Variants in RGS22 observed in about 807,000 individuals in gnomAD.
The protein encoded by RGS22 is regulator of G-protein signaling 22.
Under a neutral mutation model 172.9 loss-of-function variants are expected in RGS22, and 148 were observed. The ratio of observed to expected loss-of-function variants is 0.86; its 90% CI spans 0.75 to 0.98. The LOEUF (loss-of-function observed/expected upper bound fraction) is 0.98, where lower values mean the gene tolerates loss of function less well. Among genes scored for constraint, RGS22 ranks in the 50% least tolerant of loss-of-function variants. RGS22 has a pLI of 0.00. For missense variants in RGS22, 1,347 were observed against 1,440.8 expected (o/e 0.93, Z 1.05); for synonymous variants, 458 against 480.2 (o/e 0.95, Z 0.60).
intron 3 of RGS22, among the ~76,000 whole-genome samples, chr8:100,091,201 G>A (rs1020639797): frequency 2.0e-5 from 3 of 150,916 alleles, no homozygotes; most frequent in African/African-American, 4.9e-5. Context: ...GAAAACCCGC[G>A]ACAACATTTT....
intron 9 of RGS22, among the ~76,000 whole-genome samples, chr8:100,055,322 G>A (rs1822131437): frequency 6.6e-6 from 1 of 152,122 alleles, no homozygotes; most frequent in Non-Finnish European, 1.5e-5. Flanking sequence ...AGAAAGTAAG[G>A]GAAGAGAACA....
chr8:99,962,787 A>G lies in RGS22; in HGVS notation c.3710-20T>C, dbSNP rs1447415213. On this transcript the variant is annotated intron_variant, in intron 25 of 27. Coordinates refer to ENST00000360863, the MANE Select transcript of RGS22 (RefSeq NM_015668.5). ...GCAAGCCTGCACAAAAATAAAAGAGATAAGAAAAACAGTAAAGTAAATATT... is the reference window on the plus strand; with the variant it reads ...GCAAGCCTGCACAAAAATAAAAGAGGTAAGAAAAACAGTAAAGTAAATATT... The G allele has an allele frequency of 6.3e-7, 1 of 1,593,230 alleles. No homozygotes were observed. The highest frequency in any genetic ancestry group is 1.1e-5 in the South Asian group (1 of 87,054).
intron 11 of RGS22, among the ~76,000 whole-genome samples, chr8:100,045,844 T>C (rs1281292497): frequency 1.3e-5 from 2 of 151,768 alleles, no homozygotes; most frequent in Admixed American, 1.3e-4. Flanking sequence ...GATAATGTTT[T>C]CTTTATGGGG....
intron 14 of RGS22, 120 bp from the exon 15 acceptor site, chr8:100,008,689 T>TCAAGAAAAATA: frequency 1.5e-6 from 1 of 670,490 alleles, no homozygotes; most frequent in Non-Finnish European, 2.5e-6. Context: ...CGTGATATTT[T>TCAAGAAAAATA]TCTTGAAAAT....
chr8:99,968,189 C>A (rs549558823), intron 23 of RGS22, among the ~76,000 whole-genome samples: 29 of 152,096 alleles, frequency 1.9e-4, no homozygotes, highest in Non-Finnish European at 5.9e-5. Flanking sequence ...AACATCACAT[C>A]AACAAAAAGG....
At chr8:100,033,459 CT>C (rs1237755321) in intron 14 of RGS22, among the ~76,000 whole-genome samples, 2 of 151,654 alleles carry the variant, frequency 1.3e-5, no homozygotes, top group African/African-American at 4.8e-5. Context: ...CCTCCCAAGA[CT>C]AAACCAGGAA....
In RGS22 at chr8:100,004,058, G is replaced by A. The variant is rs187406765; in HGVS notation, c.2495C>T (p.Ser832Phe). Residue 832 changes from serine (S) to phenylalanine (F), a missense_variant, in exon 17 of 28, where the codon TCT (serine) becomes TTT (phenylalanine). Coordinates refer to ENST00000360863, the MANE Select transcript of RGS22 (RefSeq NM_015668.5). ...CEIGTGILSL[S>F]NVSKRTEYWD... Reference sequence around the variant, plus strand: ...ATATTCTGTTCGTTTAGAGACGTTAGAGAGTGATAAAATGCCAGTTCCAAT... The same window carrying A: ...ATATTCTGTTCGTTTAGAGACGTTAAAGAGTGATAAAATGCCAGTTCCAAT... The A allele has an allele frequency of 6.0e-4, 969 of 1,606,214 alleles. 2 individuals carry two copies. The highest frequency in any genetic ancestry group is 7.3e-4 in the Non-Finnish European group (860 of 1,175,894).
At chr8:100,016,041 A>C (rs975630735) in intron 14 of RGS22, among the ~76,000 whole-genome samples, 1 of 152,254 alleles carries the variant, frequency 6.6e-6, no homozygotes, top group African/African-American at 2.4e-5. Flanking sequence ...TGGTTCCTCT[A>C]TATTTAATTG....
At chr8:100,022,542 A>T (rs1481117559) in intron 14 of RGS22, among the ~76,000 whole-genome samples, 2 of 152,126 alleles carry the variant, frequency 1.3e-5, no homozygotes, top group Non-Finnish European at 2.9e-5. Flanking sequence ...AGCACACAGA[A>T]AAAAAAGTTA....
chr8:99,962,471 A>G (rs761558502), intron 26 of RGS22, 28 bp from the exon 27 acceptor site: 5 of 1,609,380 alleles, frequency 3.1e-6, no homozygotes, highest in East Asian at 2.2e-5. Flanking sequence ...TTTTATGTAT[A>G]TATTTAGTCT....
intron 9 of RGS22, among the ~76,000 whole-genome samples, chr8:100,058,145 G>T (rs1342109950): frequency 6.7e-6 from 1 of 149,140 alleles, no homozygotes; most frequent in Non-Finnish European, 1.5e-5. Flanking sequence ...CTTGAAGACA[G>T]GCTATTTGAA....
intron 24 of RGS22, among the ~76,000 whole-genome samples, chr8:99,963,954 G>A (rs1810461246): frequency 6.6e-6 from 1 of 152,052 alleles, no homozygotes; most frequent in South Asian, 2.1e-4. Context: ...ATCATTATAA[G>A]CTACATTTAT....
At chr8:99,992,114 G>A (rs1047631779) in intron 20 of RGS22, among the ~76,000 whole-genome samples, 5 of 152,064 alleles carry the variant, frequency 3.3e-5, no homozygotes, top group African/African-American at 1.2e-4. Context: ...CTCCTGAAGG[G>A]AGCACTAAAC....
chr8:100,106,032 A>C lies in RGS22; in HGVS notation c.-111T>G, dbSNP rs1319896416. ...CGCGGCGACGGCGCGCGGGCTCCGG[A>C]GCTACGCTGGCTAGCGTGGCCGGCG... On this transcript the variant is annotated 5_prime_UTR_variant, in exon 1 of 28. Coordinates refer to ENST00000360863, the MANE Select transcript of RGS22 (RefSeq NM_015668.5). 8.4e-7 allele frequency: 1 copy of C among 1,184,934 alleles called. No homozygotes were observed. The highest frequency in any genetic ancestry group is 1.0e-6 in the Non-Finnish European group (1 of 958,798). 73.4% of individuals were successfully genotyped at this position (1,184,934 alleles called of 1,614,324 possible). A position where few individuals can be genotyped will look rare whatever the true frequency, so the allele number is the denominator to read the frequency against.
At chr8:100,042,065 T>C (rs1820197164) in intron 11 of RGS22, 149 bp from the exon 12 acceptor site, 1 of 519,830 alleles carries the variant, frequency 1.9e-6, no homozygotes, top group Non-Finnish European at 3.5e-6. Context: ...AACATCGTTC[T>C]AGCCCTAAAG....
At position 100,038,932 on chromosome 8, in the gene RGS22, T is replaced by C; in HGVS notation, c.2165A>G (p.Gln722Arg). 6 of 1,601,952 alleles carry C rather than the reference T, an allele frequency of 3.7e-6. No individual in the cohort carries two copies. The highest frequency in any genetic ancestry group is 5.1e-6 in the Non-Finnish European group (6 of 1,170,688). The change falls in exon 14 of 28, where the codon CAA becomes CGA. Residue 722 changes from glutamine to arginine, a missense_variant and splice_region_variant. Coordinates refer to ENST00000360863, the MANE Select transcript of RGS22 (RefSeq NM_015668.5). ...GAACCAATATTATTTACTACGTACT[T>C]GCGCTTGCTTGCATACTTTAAAAGG... Reference protein sequence around the residue: ...LQPFKVCKQAQYLFATYVAPS... With the variant: ...LQPFKVCKQARYLFATYVAPS...
intron 4 of RGS22, among the ~76,000 whole-genome samples, chr8:100,076,924 C>T (rs748744085): frequency 1.3e-5 from 2 of 151,818 alleles, no homozygotes; most frequent in Non-Finnish European, 2.9e-5. Flanking sequence ...ACCTGGGAGG[C>T]GGAGAGTGCA....
chr8:100,070,692 A>C (rs1468450083), intron 6 of RGS22, among the ~76,000 whole-genome samples: 1 of 152,240 alleles, frequency 6.6e-6, no homozygotes, highest in Admixed American at 6.5e-5. Flanking sequence ...TGCCAAAAAA[A>C]AGAGAGCAGA....
chr8:100,042,060 C>T (rs3101329), intron 11 of RGS22, 144 bp from the exon 12 acceptor site: 310,460 of 530,676 alleles, frequency 0.59, 91,429 homozygotes, highest in Admixed American at 0.65. Context: ...GGATAAACAT[C>T]GTTCTAGCCC....
Sources: gnomAD v4.1 joint callset for allele counts (sites outside exome capture counted in the v4.1 genomes callset) on GRCh38, gnomAD v4.1.1 for gene constraint, MANE v1.5 for transcripts, NCBI Gene and HGNC (gene_info 2026-07-23, HGNC 2026-07-21) for gene names.